FAM120C: variants seen among roughly 807,000 people sequenced by gnomAD.
The protein encoded by FAM120C is family with sequence similarity 120 member C, also known as constitutive coactivator of PPAR-gamma-like protein 2.
Under a neutral mutation model 71.2 loss-of-function variants are expected in FAM120C, and 14 were observed. The ratio of observed to expected loss-of-function variants is 0.20; its 90% CI spans 0.13 to 0.31. FAM120C has a LOEUF of 0.31. FAM120C is among the 10% of genes least tolerant of loss of function. The pLI is 1.00. For missense variants in FAM120C, 500 were observed against 879.0 expected (o/e 0.57, Z 5.45); for synonymous variants, 354 against 353.2 (o/e 1.00, Z -0.03).
chrX:54,163,205 A>G (rs1392929065), intron 1 of FAM120C, among the ~76,000 whole-genome samples: 2 of 112,411 alleles, frequency 1.8e-5, no homozygotes, highest in Non-Finnish European at 3.8e-5. Flanking sequence ...CTATGTTCAC[A>G]CAAAAACTTG....
Position 54,116,867 on chromosome X carries a change from T to C in FAM120C, c.2063-73A>G, listed in dbSNP as rs782526963. 3.5e-5 allele frequency: 38 copies of C among 1,093,847 alleles called. No individual in the cohort carries two copies. In the Middle Eastern group the frequency reaches 1.1e-3, roughly 31 times the overall value. 90.1% of individuals were successfully genotyped at this position (1,093,847 alleles called of 1,213,427 possible). The stretch of plus-strand genomic sequence containing the variant: ...CATTTCTACGGCTAGCCACAGGACA[T>C]TGACAGGCTCCATTGCATTTCAACT... On this transcript the variant is annotated intron_variant, in intron 9 of 15. Coordinates refer to ENST00000375180, the MANE Select transcript of FAM120C (RefSeq NM_017848.6).
chrX:54,152,263 G>A (rs1349311832), intron 3 of FAM120C, among the ~76,000 whole-genome samples: 8 of 110,167 alleles, frequency 7.3e-5, no homozygotes, highest in African/African-American at 1.7e-4. Flanking sequence ...TGTTTGAGAC[G>A]GAGTCTTGCT....
intron 4 of FAM120C, among the ~76,000 whole-genome samples, chrX:54,150,089 G>C (rs1272208638): frequency 2.7e-5 from 3 of 111,391 alleles, no homozygotes; most frequent in African/African-American, 9.8e-5. Flanking sequence ...CATTGAGGAA[G>C]AACTCCTTTA....
chrX:54,115,503 G>T (rs2066963190), intron 10 of FAM120C, among the ~76,000 whole-genome samples: 2 of 111,949 alleles, frequency 1.8e-5, no homozygotes, highest in Non-Finnish European at 1.9e-5. Context: ...AATATAAATT[G>T]GTGCAGCTAT....
chrX:54,175,574 T>C (rs943192263), intron 1 of FAM120C, among the ~76,000 whole-genome samples: 1 of 110,204 alleles, frequency 9.1e-6, no homozygotes, highest in Admixed American at 9.7e-5. Context: ...ATTGGTGCGA[T>C]CTCAGCTCAC....
chrX:54,166,849 G>A (rs1427619200), intron 1 of FAM120C, among the ~76,000 whole-genome samples: 2 of 111,622 alleles, frequency 1.8e-5, no homozygotes, highest in Non-Finnish European at 3.8e-5. Context: ...TGGGAAAGGG[G>A]TGGAATATTT....
chrX:54,135,131 G>GA lies in FAM120C; in HGVS notation c.1336-21dup. Reference sequence around the variant, plus strand: ...AGAAAACTAAACGATAAAACAGACAGAAAAGCTATTTAACATTTTATAAGG... The same window carrying GA: ...AGAAAACTAAACGATAAAACAGACAGAAAAAGCTATTTAACATTTTATAAGG... On this transcript the variant is annotated intron_variant, in intron 6 of 15. Coordinates refer to ENST00000375180, the MANE Select transcript of FAM120C (RefSeq NM_017848.6). 1 of 1,169,709 alleles carries GA rather than the reference G, an allele frequency of 8.5e-7. No homozygotes were observed. Among genetic ancestry groups the GA allele is most frequent in the Non-Finnish European group, 1.1e-6 (1 of 874,601 alleles).
chrX:54,126,305 T>C (rs1428140149), intron 9 of FAM120C, among the ~76,000 whole-genome samples: 1 of 112,393 alleles, frequency 8.9e-6, no homozygotes, highest in Non-Finnish European at 1.9e-5. Flanking sequence ...GAAAAACATC[T>C]TTCACCATTA....
intron 10 of FAM120C, among the ~76,000 whole-genome samples, chrX:54,111,158 C>G (rs782487466): frequency 3.2e-4 from 35 of 110,601 alleles, no homozygotes; most frequent in African/African-American, 1.1e-3. Context: ...GATGTTGAGT[C>G]TGCAGTGAGC....
At chrX:54,182,399 G>C in intron 1 of FAM120C, 101 bp downstream of exon 1, 1 of 993,065 alleles carries the variant, frequency 1.0e-6, no homozygotes, top group Non-Finnish European at 1.3e-6. Context: ...TGGGTGGGTA[G>C]ATGGGAGGTA....
Position 54,162,992 on chromosome X carries a change from G to T in FAM120C, c.700-3376C>A, listed in dbSNP as rs782766762. Among the ~76,000 whole-genome samples, 3 of 111,857 alleles carry T rather than the reference G, an allele frequency of 2.7e-5. No individual in the cohort carries two copies. In the East Asian group the frequency reaches 8.4e-4, roughly 31 times the overall value. On this transcript the variant is annotated intron_variant, in intron 1 of 15. Coordinates refer to ENST00000375180, the MANE Select transcript of FAM120C (RefSeq NM_017848.6). ...TGAGACACCAGTTAGCACCCACTAG[G>T]ATGGCTATAATCAAAAAATGGAAAA...
intron 4 of FAM120C, among the ~76,000 whole-genome samples, chrX:54,148,922 T>A (rs2067170850): frequency 8.9e-6 from 1 of 111,914 alleles, no homozygotes; most frequent in African/African-American, 3.2e-5. Context: ...TCAAAACACG[T>A]TGTATGCAAT....
chrX:54,097,287 A>G (rs1339251963), intron 10 of FAM120C, among the ~76,000 whole-genome samples: 2 of 111,874 alleles, frequency 1.8e-5, no homozygotes, highest in African/African-American at 3.2e-5. Flanking sequence ...CCCTGTGTAT[A>G]CTACTTTTCT....
At chrX:54,133,686 C>T (rs2067079523) in intron 8 of FAM120C, 87 bp downstream of exon 8, 2 of 1,018,542 alleles carry the variant, frequency 2.0e-6, no homozygotes, top group Admixed American at 2.8e-5. Context: ...ATACCAGTGA[C>T]CAGAATGTTC....
intron 10 of FAM120C, among the ~76,000 whole-genome samples, chrX:54,110,210 G>T (rs1464692843): frequency 9.3e-6 from 1 of 107,465 alleles, no homozygotes; most frequent in Non-Finnish European, 1.9e-5. Flanking sequence ...GGATGGTCTC[G>T]ATCTCCTGAC....
At chrX:54,074,160 T>C (rs1439538998) in intron 15 of FAM120C, among the ~76,000 whole-genome samples, 6 of 111,423 alleles carry the variant, frequency 5.4e-5, no homozygotes, top group Non-Finnish European at 1.1e-4. Flanking sequence ...TTACAATATG[T>C]TTTTCTAATA....
intron 4 of FAM120C, among the ~76,000 whole-genome samples, chrX:54,150,832 T>A (rs1557132913): frequency 9.0e-6 from 1 of 110,692 alleles, no homozygotes; most frequent in Admixed American, 9.7e-5. Flanking sequence ...CACTGCAACC[T>A]CCGCCTCCTG....
At chrX:54,164,258 TTG>T (rs1237520909) in intron 1 of FAM120C, among the ~76,000 whole-genome samples, 1 of 112,150 alleles carries the variant, frequency 8.9e-6, no homozygotes, top group Non-Finnish European at 1.9e-5. Flanking sequence ...ATATTTTTTG[TTG>T]TGATTGAAAA....
At chrX:54,135,661 T>A in intron 5 of FAM120C, 57 bp from the exon 6 acceptor site, 1 of 974,786 alleles carries the variant, frequency 1.0e-6, no homozygotes, top group Non-Finnish European at 1.4e-6. Context: ...TACCATGTTA[T>A]ATTCTGCTCA....
Sources: gnomAD v4.1 joint callset for allele counts (sites outside exome capture counted in the v4.1 genomes callset) on GRCh38, gnomAD v4.1.1 for gene constraint, MANE v1.5 for transcripts, NCBI Gene and HGNC (gene_info 2026-07-23, HGNC 2026-07-21) for gene names.